TRDN: variants seen among roughly 807,000 people sequenced by gnomAD.
TRDN encodes triadin in skeletal muscle.
In TRDN, 161 loss-of-function variants were observed where a neutral mutation model predicts 149.7. That is an observed-to-expected ratio of 1.08 (90% CI 0.95 to 1.23). The LOEUF is 1.23. Among genes scored for constraint, TRDN ranks in the 50% most tolerant of loss-of-function variants. The pLI, the probability that TRDN is intolerant of heterozygous loss-of-function variation, is 0.00. For synonymous variants in TRDN, 294 were observed against 250.5 expected (o/e 1.17, Z -1.64); for missense variants, 896 against 823.5 (o/e 1.09, Z -1.08).
rs7743126 is a variant in TRDN at position 123,216,692 on chromosome 6, A to C, written c.*1909T>G. Reference sequence around the variant, plus strand: ...ATGAGATATTAGACTGTTTGTCCCTATATCCCTATTTTACTCATGGAGAAA... The same window carrying C: ...ATGAGATATTAGACTGTTTGTCCCTCTATCCCTATTTTACTCATGGAGAAA... On this transcript the variant is annotated 3_prime_UTR_variant, in exon 41 of 41. Coordinates refer to ENST00000334268, the MANE Select transcript of TRDN (RefSeq NM_006073.4). 7.3e-5 allele frequency: 11 copies of C among 151,676 alleles called. No individual in the cohort carries two copies. The highest frequency in any genetic ancestry group is 5.9e-4 in the Admixed American group (9 of 15,194). 9.4% of individuals were successfully genotyped at this position (151,676 alleles called of 1,614,324 possible).
chr6:123,456,790 T>C, intron 10 of TRDN: 1 of 455,996 alleles, frequency 2.2e-6, no homozygotes, highest in Non-Finnish European at 4.4e-6. Context: ...CAAGACTGTT[T>C]ACTCCATCTA....
At chr6:123,494,460 T>A (rs1437499601) in intron 9 of TRDN, among the ~76,000 whole-genome samples, 1 of 152,210 alleles carries the variant, frequency 6.6e-6, no homozygotes. Flanking sequence ...TCTTAGGAAT[T>A]ATATTTTATG....
intron 12 of TRDN, among the ~76,000 whole-genome samples, chr6:123,410,449 A>C (rs1305035054): frequency 1.3e-5 from 2 of 152,226 alleles, no homozygotes; most frequent in Non-Finnish European, 2.9e-5. Context: ...ATCAACGAAG[A>C]AACAAAATGA....
chr6:123,575,400 C>T lies in TRDN; in HGVS notation c.23-4268G>A, dbSNP rs149372884. Among the ~76,000 whole-genome samples, 150 of 151,786 alleles carry T rather than the reference C, an allele frequency of 9.9e-4. 2 individuals carry two copies. The East Asian group carries it at 0.021, about 22-fold the overall frequency. ...AGCTGGTCAAGATAAATGCAAAGAA[C>T]AGAGTATGTGATCTGAGATTATTTA... On this transcript the variant is annotated intron_variant, in intron 1 of 40. Coordinates refer to ENST00000334268, the MANE Select transcript of TRDN (RefSeq NM_006073.4).
At chr6:123,420,799 C>T (rs114740136) in intron 12 of TRDN, among the ~76,000 whole-genome samples, 1,753 of 152,024 alleles carry the variant, frequency 0.012, 33 homozygotes, top group African/African-American at 0.04. Context: ...TTTCTCTAGC[C>T]TAAAGATTAC....
intron 5 of TRDN, among the ~76,000 whole-genome samples, chr6:123,530,004 A>C (rs377088633): frequency 5.8e-4 from 88 of 152,170 alleles, no homozygotes; most frequent in African/African-American, 2.0e-3. Flanking sequence ...GATATTAATC[A>C]TCATGCTGTC....
At chr6:123,635,561 C>A (rs558022070) in intron 1 of TRDN, among the ~76,000 whole-genome samples, 1 of 151,980 alleles carries the variant, frequency 6.6e-6, no homozygotes, top group Non-Finnish European at 1.5e-5. Context: ...GTTATTAATA[C>A]GAGGTGTCAG....
intron 8 of TRDN, chr6:123,498,294 G>A (rs1290360671): frequency 4.0e-6 from 1 of 251,924 alleles, no homozygotes; most frequent in Middle Eastern, 1.6e-3. Flanking sequence ...TTACTAAACA[G>A]ATACACCTCT....
At chr6:123,626,870 A>G (rs1785697622) in intron 1 of TRDN, among the ~76,000 whole-genome samples, 1 of 151,878 alleles carries the variant, frequency 6.6e-6, no homozygotes, top group South Asian at 2.1e-4. Context: ...ATTTCTCCCT[A>G]TGTCACCTAT....
intron 18 of TRDN, among the ~76,000 whole-genome samples, chr6:123,376,626 G>C (rs931878401): frequency 7.2e-5 from 11 of 152,048 alleles, no homozygotes; most frequent in African/African-American, 2.7e-4. Flanking sequence ...ATAAAAGTAA[G>C]AAAATGATAC....
chr6:123,618,763 A>T (rs116917424), intron 1 of TRDN, among the ~76,000 whole-genome samples: 1 of 152,224 alleles, frequency 6.6e-6, no homozygotes, highest in East Asian at 1.9e-4. Context: ...GCCCATTCAC[A>T]TTTGCAAAAT....
rs531215571 is a variant in TRDN at position 123,493,016 on chromosome 6, G to A, written c.853+4177C>T. ...CACATCCTGTATAACGCTGACCATC[G>A]GCACAACCAAAGATCTCAATATGAA... On this transcript the variant is annotated intron_variant, in intron 9 of 40. Transcript: ENST00000334268. Among the ~76,000 whole-genome samples the A allele has an allele frequency of 3.9e-5, 6 of 152,084 alleles. No individual in the cohort carries two copies. The South Asian group carries it at 1.0e-3, about 26-fold the overall frequency.
chr6:123,337,687 G>T lies in TRDN; in HGVS notation c.1370-18C>A, dbSNP rs1448477128. On this transcript the variant is annotated intron_variant, in intron 21 of 40. Transcript: ENST00000334268. ...TCTAATTTCTGCAAGAGAGATCATG[G>T]GAAGAAAAAGTTACAAGGAATAAGA... 7.0e-7 allele frequency: 1 copy of T among 1,422,092 alleles called. No individual in the cohort carries two copies. Among genetic ancestry groups the T allele is most frequent in the Middle Eastern group, 1.8e-4 (1 of 5,584 alleles). The allele number at this position is 1,422,092 out of a possible 1,614,324, so 88.1% of individuals were successfully genotyped here.
intron 24 of TRDN, among the ~76,000 whole-genome samples, chr6:123,298,114 C>T (rs1778270137): frequency 6.6e-6 from 1 of 151,702 alleles, no homozygotes; most frequent in Admixed American, 6.6e-5. Flanking sequence ...TTTTAAAAAC[C>T]AGATAATATA....
intron 1 of TRDN, among the ~76,000 whole-genome samples, chr6:123,586,203 G>A (rs1783470360): frequency 6.6e-6 from 1 of 152,136 alleles, no homozygotes; most frequent in African/African-American, 2.4e-5. Flanking sequence ...CTTTTTAAGA[G>A]TAAATTGCTG....
At chr6:123,446,240 G>A (rs2114631163) in intron 10 of TRDN, among the ~76,000 whole-genome samples, 1 of 151,258 alleles carries the variant, frequency 6.6e-6, no homozygotes, top group South Asian at 2.1e-4. Context: ...CTGTTGTGGG[G>A]TGGGGGGAGT....
At chr6:123,253,896 C>A (rs1397690339) in intron 37 of TRDN, among the ~76,000 whole-genome samples, 1 of 152,098 alleles carries the variant, frequency 6.6e-6, no homozygotes, top group Non-Finnish European at 1.5e-5. Context: ...AGAAAACTTT[C>A]TCTTGTATTT....
intron 38 of TRDN, among the ~76,000 whole-genome samples, chr6:123,239,160 C>A (rs1775898740): frequency 6.6e-6 from 1 of 151,940 alleles, no homozygotes; most frequent in Non-Finnish European, 1.5e-5. Context: ...TTAAAAAGAG[C>A]TTTGTAAGGG....
At chr6:123,574,877 T>TATAC (rs1782765264) in intron 1 of TRDN, among the ~76,000 whole-genome samples, 1 of 128,028 alleles carries the variant, frequency 7.8e-6, no homozygotes, top group African/African-American at 3.4e-5. Flanking sequence ...TATATATATA[T>TATAC]ATATATATAT....
Sources: allele counts gnomAD v4.1 joint callset (sites outside exome capture counted in the v4.1 genomes callset), GRCh38; gene constraint gnomAD v4.1.1; transcripts MANE v1.5; gene names NCBI Gene and HGNC (gene_info 2026-07-23, HGNC 2026-07-21).